The following PRKN variants were observed in gnomAD, a reference collection of about 807,000 sequenced individuals.
PRKN encodes the protein E3 ubiquitin-protein ligase parkin.
In PRKN, 56 loss-of-function variants were observed where a neutral mutation model predicts 59.5. The observed-to-expected ratio is 0.94, with a 90% CI of 0.76 to 1.18. PRKN has a LOEUF of 1.18. Ranked by LOEUF, PRKN falls within the 50% of genes most tolerant of loss-of-function variation. The pLI is 0.00. For synonymous variants in PRKN, 250 were observed against 222.1 expected, an observed-to-expected ratio of 1.13 and a Z score of -1.12; for missense variants, 657 against 596.4, an observed-to-expected ratio of 1.10 and a Z score of -1.06.
chr6:162,253,676 G>C (rs1779527849), intron 3 of PRKN, among the ~76,000 whole-genome samples: 1 of 152,004 alleles, frequency 6.6e-6, no homozygotes. Context: ...GTATTCATTT[G>C]TTAAATATGA....
chr6:162,378,561 T>C (rs1441496914), intron 2 of PRKN, among the ~76,000 whole-genome samples: 1 of 152,252 alleles, frequency 6.6e-6, no homozygotes, highest in Admixed American at 6.5e-5. Flanking sequence ...ATTCAAGCTT[T>C]CGTCTGCTAT....
chr6:162,457,985 G>A (rs1003959758), intron 1 of PRKN, among the ~76,000 whole-genome samples: 3 of 151,964 alleles, frequency 2.0e-5, no homozygotes, highest in Non-Finnish European at 2.9e-5. Context: ...GCTGGGTGCA[G>A]TGGCTCGTGC....
At chr6:162,407,636 A>T (rs146947229) in intron 2 of PRKN, among the ~76,000 whole-genome samples, 3 of 152,274 alleles carry the variant, frequency 2.0e-5, no homozygotes, top group African/African-American at 7.2e-5. Context: ...AAAGAATCAG[A>T]TCTCAATTCT....
Position 162,378,098 on chromosome 6 carries a change from G to A in PRKN, c.171+65212C>T, listed in dbSNP as rs549054703. 1.3e-4 allele frequency among the ~76,000 whole-genome samples: 20 copies of A among 152,192 alleles called. No individual in the cohort carries two copies. The South Asian group carries it at 3.9e-3, about 30-fold the overall frequency. ...ACTTTAACATCACGAAATCAAGCTAGGTTTACAAATGTAAGGTAAGAGATA... is the reference window on the plus strand; with the variant it reads ...ACTTTAACATCACGAAATCAAGCTAAGTTTACAAATGTAAGGTAAGAGATA... On this transcript the variant is annotated intron_variant, in intron 2 of 11. Coordinates refer to ENST00000366898, the MANE Select transcript of PRKN (RefSeq NM_004562.3).
At chr6:161,952,795 C>A (rs965846265) in intron 6 of PRKN, among the ~76,000 whole-genome samples, 1 of 152,008 alleles carries the variant, frequency 6.6e-6, no homozygotes, top group African/African-American at 2.4e-5. Flanking sequence ...AGATGATTTG[C>A]TAAATGGTAT....
chr6:162,228,880 C>T (rs1394801272), intron 3 of PRKN, among the ~76,000 whole-genome samples: 1 of 152,116 alleles, frequency 6.6e-6, no homozygotes, highest in African/African-American at 2.4e-5. Flanking sequence ...AAGAATAGAA[C>T]CCACAGTAAC....
intron 4 of PRKN, among the ~76,000 whole-genome samples, chr6:162,131,290 A>C (rs1328821833): frequency 1.3e-5 from 2 of 152,230 alleles, no homozygotes; most frequent in Non-Finnish European, 2.9e-5. Context: ...AACTTTTCAC[A>C]GGGCAAATAA....
At chr6:162,039,054 G>C (rs995011836) in intron 5 of PRKN, among the ~76,000 whole-genome samples, 6 of 152,052 alleles carry the variant, frequency 3.9e-5, no homozygotes, top group African/African-American at 1.4e-4. Context: ...GACTCTGGAG[G>C]CTGAGGCAGG....
intron 1 of PRKN, among the ~76,000 whole-genome samples, chr6:162,446,600 T>C (rs1271753846): frequency 6.6e-6 from 1 of 152,196 alleles, no homozygotes; most frequent in Non-Finnish European, 1.5e-5. Context: ...TTTTTAACAG[T>C]AAATCTAACA....
At chr6:162,617,524 G>A (rs1782478528) in intron 1 of PRKN, among the ~76,000 whole-genome samples, 1 of 152,116 alleles carries the variant, frequency 6.6e-6, no homozygotes, top group African/African-American at 2.4e-5. Context: ...GAGTCACCAT[G>A]CCTGGCCATA....
chr6:161,903,982 A>T (rs1330801229), intron 6 of PRKN, among the ~76,000 whole-genome samples: 1 of 151,826 alleles, frequency 6.6e-6, no homozygotes, highest in Non-Finnish European at 1.5e-5. Context: ...AGGGAAGCAG[A>T]GTGCAGACTG....
At chr6:161,722,714 A>G (rs931614828) in intron 7 of PRKN, among the ~76,000 whole-genome samples, 1 of 152,220 alleles carries the variant, frequency 6.6e-6, no homozygotes, top group African/African-American at 2.4e-5. Context: ...ATATTTTATA[A>G]TGAGATAAAA....
Position 161,414,987 on chromosome 6 carries a change from C to T in PRKN, c.1084-28110G>A, listed in dbSNP as rs746858323. 4.6e-5 allele frequency among the ~76,000 whole-genome samples: 7 copies of T among 152,198 alleles called. No individual in the cohort carries two copies. Among genetic ancestry groups the T allele is most frequent in the Non-Finnish European group, 7.3e-5 (5 of 68,038 alleles). ...CAGCTCCTCAGAGGGAAGGACGGAG[C>T]CTGCCATTCTGCGGAGCGTCACCTG... On this transcript the variant is annotated intron_variant, in intron 9 of 11. Transcript: ENST00000366898. This position sits in a 1 kb window ranked among gnomAD's most constrained non-coding sequence, Gnocchi z 5.3.
chr6:162,393,277 A>T (rs927949446), intron 2 of PRKN, among the ~76,000 whole-genome samples: 1 of 148,572 alleles, frequency 6.7e-6, no homozygotes, highest in Non-Finnish European at 1.5e-5. Context: ...CTCCTTTCTC[A>T]GTCCCCTGAG....
chr6:162,183,823 C>G (rs1437410368), intron 4 of PRKN, among the ~76,000 whole-genome samples: 2 of 152,152 alleles, frequency 1.3e-5, no homozygotes, highest in Non-Finnish European at 2.9e-5. Flanking sequence ...ATGCAATAGC[C>G]AAGTAACTTT....
At position 161,388,988 on chromosome 6, in the gene PRKN, T is replaced by A. The variant is rs1194295567; in HGVS notation, c.1084-2111A>T. ...AATATAATATGCTGAAAGTAGTGTC[T>A]GGAAGATTCAAAAATTTACAGAGAC... On this transcript the variant is annotated intron_variant, in intron 9 of 11. Transcript: ENST00000366898. The surrounding 1 kb of genome is among the most constrained non-coding windows in gnomAD (Gnocchi z 4.3). 6.6e-6 allele frequency among the ~76,000 whole-genome samples: 1 copy of A among 152,250 alleles called. No homozygotes were observed. The highest frequency in any genetic ancestry group is 2.4e-5 in the African/African-American group (1 of 41,462).
chr6:162,276,107 CAA>C (rs1296878850), intron 2 of PRKN, among the ~76,000 whole-genome samples: 1 of 152,122 alleles, frequency 6.6e-6, no homozygotes, highest in Non-Finnish European at 1.5e-5. Context: ...TTTTCAGTGA[CAA>C]GAGGTATGTT....
chr6:161,971,369 T>G (rs1489722428), intron 6 of PRKN, among the ~76,000 whole-genome samples: 1 of 152,240 alleles, frequency 6.6e-6, no homozygotes, highest in Non-Finnish European at 1.5e-5. Flanking sequence ...TTTAAAATAC[T>G]GGCTGATGAG....
intron 4 of PRKN, among the ~76,000 whole-genome samples, chr6:162,187,771 C>G (rs1330195573): frequency 6.6e-6 from 1 of 152,040 alleles, no homozygotes; most frequent in Non-Finnish European, 1.5e-5. Context: ...TGCTATCTGC[C>G]AGGAGGACAT....
Sources: gnomAD v4.1 joint callset for allele counts (sites outside exome capture counted in the v4.1 genomes callset) on GRCh38, gnomAD v4.1.1 for gene constraint, Gnocchi (gnomAD v3.1) non-coding constraint, MANE v1.5 for transcripts, NCBI Gene and HGNC (gene_info 2026-07-23, HGNC 2026-07-21) for gene names.